Variants in STRN3 observed in about 807,000 individuals in gnomAD.
STRN3 encodes the protein striatin-3.
STRN3 carries 29 observed loss-of-function variants against 95.6 expected under a neutral mutation model. The ratio of observed to expected loss-of-function variants is 0.30; its 90% CI spans 0.23 to 0.41. The LOEUF is 0.41. Among genes scored for constraint, STRN3 ranks in the 10% least tolerant of loss-of-function variants. The pLI is 1.00. For synonymous variants in STRN3, 331 were observed against 357.6 expected (o/e 0.93, Z 0.84); for missense variants, 890 against 972.1 (o/e 0.92, Z 1.12).
intron 1 of STRN3, among the ~76,000 whole-genome samples, chr14:30,960,868 C>CAAAAAAAAAAAAAAAAAAAAAATAA (rs1880165587): frequency 2.1e-5 from 1 of 47,618 alleles, no homozygotes; most frequent in Non-Finnish European, 4.1e-5. Context: ...GACTCCATCT[C>CAAAAAAAAAAAAAAAAAAAAAATAA]AAAAAAAAAA....
chr14:30,942,334 C>G (rs575811005), intron 5 of STRN3, among the ~76,000 whole-genome samples: 1 of 152,290 alleles, frequency 6.6e-6, no homozygotes, highest in South Asian at 2.1e-4. Flanking sequence ...AAATGGAAGT[C>G]TCCATCTGTG....
chr14:31,024,483 C>T (rs1883683848), intron 1 of STRN3, among the ~76,000 whole-genome samples: 1 of 151,922 alleles, frequency 6.6e-6, no homozygotes. Flanking sequence ...ATTTTAAAGC[C>T]CAATATTATA....
At chr14:30,967,041 G>A (rs548534114) in intron 1 of STRN3, among the ~76,000 whole-genome samples, 2 of 151,700 alleles carry the variant, frequency 1.3e-5, no homozygotes, top group Admixed American at 6.6e-5. Context: ...GGTTTGAGGG[G>A]TTGAGGCTTC....
At chr14:30,993,981 G>A (rs1394468295) in intron 1 of STRN3, among the ~76,000 whole-genome samples, 5 of 151,344 alleles carry the variant, frequency 3.3e-5, no homozygotes, top group South Asian at 2.1e-4. Context: ...GGGATCAAGC[G>A]ATTCTCCTGC....
rs550655453 is a variant in STRN3 at position 30,947,157 on chromosome 14, T to C, written c.649A>G (p.Thr217Ala). ...TTCAGGATCTGTTCTAAATTCTTTG[T>C]TTCTACTGATCCATTTGGTTCTGAA... ...SNSEPNGSVE[T>A]KNLEQILNGG... The change falls in exon 5 of 18, where the codon ACA becomes GCA. Residue 217 changes from threonine to alanine, a missense_variant. Physicochemically the swap from Thr to Ala is moderately conservative, Grantham distance 58. Coordinates refer to ENST00000357479, the MANE Select transcript of STRN3 (RefSeq NM_001083893.2). 16 of 1,613,006 alleles carry C rather than the reference T, an allele frequency of 9.9e-6. No individual in the cohort carries two copies. In the South Asian group the frequency reaches 1.8e-4, roughly 18 times the overall value.
chr14:30,929,386 G>T, intron 7 of STRN3, 75 bp from the exon 8 acceptor site: 2 of 1,089,556 alleles, frequency 1.8e-6, no homozygotes, highest in African/African-American at 1.6e-5. Flanking sequence ...AACTGTTATA[G>T]CTTTACATAA....
intron 1 of STRN3, among the ~76,000 whole-genome samples, chr14:31,018,056 G>A (rs946882800): frequency 6.8e-6 from 1 of 146,028 alleles, no homozygotes; most frequent in Non-Finnish European, 1.5e-5. Flanking sequence ...TCCAGCCTGG[G>A]CAACAAAATG....
chr14:31,011,122 T>C (rs1882951562), intron 1 of STRN3, among the ~76,000 whole-genome samples: 1 of 152,226 alleles, frequency 6.6e-6, no homozygotes, highest in South Asian at 2.1e-4. Context: ...AATTATAATC[T>C]AATAAAACCC....
intron 7 of STRN3, chr14:30,932,371 C>T (rs2139062277): frequency 6.6e-6 from 1 of 152,242 alleles, no homozygotes; most frequent in East Asian, 1.9e-4. Flanking sequence ...TTTGCATATT[C>T]ATCCTCTTTG....
chr14:30,966,825 G>A (rs1341253539), intron 1 of STRN3, among the ~76,000 whole-genome samples: 1 of 152,086 alleles, frequency 6.6e-6, no homozygotes, highest in African/African-American at 2.4e-5. Context: ...TCCTGCCATG[G>A]GATTTATACC....
intron 1 of STRN3, among the ~76,000 whole-genome samples, chr14:30,973,573 A>C (rs1184049125): frequency 6.6e-6 from 1 of 152,196 alleles, no homozygotes; most frequent in African/African-American, 2.4e-5. Flanking sequence ...ATCTTTCTCA[A>C]ACTTTTCCAA....
At chr14:30,978,879 C>A (rs1881243835) in intron 1 of STRN3, among the ~76,000 whole-genome samples, 1 of 151,666 alleles carries the variant, frequency 6.6e-6, no homozygotes, top group Non-Finnish European at 1.5e-5. Context: ...CTAAAAAATA[C>A]AAAAGTTAGC....
chr14:30,910,093 C>T (rs1330611296), intron 13 of STRN3, among the ~76,000 whole-genome samples: 1 of 152,210 alleles, frequency 6.6e-6, no homozygotes, highest in African/African-American at 2.4e-5. Context: ...ACAACAGACA[C>T]AGTCACCTTT....
At chr14:30,962,043 G>A (rs1024212743) in intron 1 of STRN3, among the ~76,000 whole-genome samples, 3 of 152,202 alleles carry the variant, frequency 2.0e-5, no homozygotes, top group Non-Finnish European at 4.4e-5. Context: ...GTGTGTTACT[G>A]CCCTTGAAGA....
At chr14:30,969,566 G>C (rs1181038463) in intron 1 of STRN3, among the ~76,000 whole-genome samples, 3 of 151,950 alleles carry the variant, frequency 2.0e-5, no homozygotes, top group Non-Finnish European at 4.4e-5. Context: ...CAGATTATTT[G>C]GTATAAAAAT....
chr14:30,942,232 T>C (rs1879128890), intron 5 of STRN3, among the ~76,000 whole-genome samples: 1 of 152,194 alleles, frequency 6.6e-6, no homozygotes, highest in Admixed American at 6.5e-5. Flanking sequence ...TTGTTGTTCT[T>C]TTGTGTTAAT....
chr14:30,966,560 G>A (rs1396621011), intron 1 of STRN3, among the ~76,000 whole-genome samples: 1 of 152,168 alleles, frequency 6.6e-6, no homozygotes, highest in Non-Finnish European at 1.5e-5. Flanking sequence ...GTGGGGGACT[G>A]GCCAGCAACC....
At chr14:30,974,569 T>A (rs1259064053) in intron 1 of STRN3, among the ~76,000 whole-genome samples, 2 of 137,594 alleles carry the variant, frequency 1.5e-5, no homozygotes, top group African/African-American at 5.5e-5. Context: ...ATCATAAAAT[T>A]CATATGGAAT....
chr14:30,931,412 G>A (rs10872847), intron 7 of STRN3, among the ~76,000 whole-genome samples: 152,139 of 152,308 alleles, frequency 1, 75,985 homozygotes, highest in Middle Eastern at 1. Context: ...ACAAATATGC[G>A]TAAGAAAGTT....
Sources: gnomAD v4.1 joint callset for allele counts (sites outside exome capture counted in the v4.1 genomes callset) on GRCh38, gnomAD v4.1.1 for gene constraint, MANE v1.5 for transcripts, NCBI Gene and HGNC (gene_info 2026-07-23, HGNC 2026-07-21) for gene names.